TRAPPC8: variants seen among roughly 807,000 people sequenced by gnomAD.
TRAPPC8 encodes the protein trafficking protein particle complex subunit 8, also known as general sporulation gene 1 homolog.
Under a neutral mutation model 174.3 loss-of-function variants are expected in TRAPPC8, and 54 were observed. That is an observed-to-expected ratio of 0.31 (90% CI 0.25 to 0.39). The LOEUF is 0.39. Ranked by LOEUF, TRAPPC8 falls within the 10% of genes least tolerant of loss-of-function variation. The pLI, the probability that TRAPPC8 is intolerant of heterozygous loss-of-function variation, is 1.00. For synonymous variants in TRAPPC8, 630 were observed against 579.9 expected (o/e 1.09, Z -1.24); for missense variants, 1,531 against 1,699.1 (o/e 0.90, Z 1.74).
Position 31,864,710 on chromosome 18 carries a change from T to G in TRAPPC8, c.2662A>C (p.Thr888Pro). Reference sequence around the variant, plus strand: ...TTAACAGATGTTTTCTCTTCTTTTGTGTTGTTAAGTCGAGGACCTTGAATT... The same window carrying G: ...TTAACAGATGTTTTCTCTTCTTTTGGGTTGTTAAGTCGAGGACCTTGAATT... ...LEIQGPRLNN[T>P]KEEKTSVKYG... The change falls in exon 19 of 29, where the codon ACA becomes CCA. Residue 888 changes from threonine to proline, a missense_variant. Thr to Pro is a conservative substitution (Grantham distance 38). Coordinates refer to ENST00000283351, the MANE Select transcript of TRAPPC8 (RefSeq NM_014939.5). The G allele has an allele frequency of 6.2e-7, 1 of 1,613,262 alleles. No homozygotes were observed. The highest frequency in any genetic ancestry group is 8.5e-7 in the Non-Finnish European group (1 of 1,179,542).
At chr18:31,860,484 A>G (rs183130369) in intron 19 of TRAPPC8, among the ~76,000 whole-genome samples, 20 of 152,286 alleles carry the variant, frequency 1.3e-4, no homozygotes, top group Admixed American at 1.2e-3. Flanking sequence ...TCTTCTCTCA[A>G]TGAGCTACAG....
chr18:31,926,875 T>C (rs1286883732), intron 2 of TRAPPC8, among the ~76,000 whole-genome samples: 2 of 152,126 alleles, frequency 1.3e-5, no homozygotes, highest in Non-Finnish European at 2.9e-5. Flanking sequence ...GTGGAAAGGA[T>C]AGACAGTAAT....
intron 17 of TRAPPC8, 80 bp downstream of exon 17, chr18:31,867,322 A>C (rs1222936477): frequency 4.0e-6 from 4 of 1,004,382 alleles, no homozygotes; most frequent in Non-Finnish European, 6.0e-6. Context: ...TATAAAATAA[A>C]CTGAATAAAG....
chr18:31,845,797 A>G (rs2033369522), intron 26 of TRAPPC8, among the ~76,000 whole-genome samples: 1 of 152,132 alleles, frequency 6.6e-6, no homozygotes, highest in Non-Finnish European at 1.5e-5. Flanking sequence ...AAATAGTAAT[A>G]ATGGAGGTGG....
At chr18:31,941,111 C>T (rs2038317005) in intron 1 of TRAPPC8, among the ~76,000 whole-genome samples, 1 of 152,116 alleles carries the variant, frequency 6.6e-6, no homozygotes, top group East Asian at 1.9e-4. Flanking sequence ...AAAGAGTACA[C>T]ATATAAAAGT....
rs398032373 is a variant in TRAPPC8, at chr18:31,861,936, A to AG, written c.2745+2690dup. Among the ~76,000 whole-genome samples, 337 of 64,214 alleles carry AG rather than the reference A, an allele frequency of 5.2e-3. 1 individual carries two copies. The highest frequency in any genetic ancestry group is 6.7e-3 in the Admixed American group (27 of 4,026). 42.1% of individuals were successfully genotyped at this position (64,214 alleles called of 152,430 possible). On this transcript the variant is annotated intron_variant, in intron 19 of 28. Coordinates refer to ENST00000283351, the MANE Select transcript of TRAPPC8 (RefSeq NM_014939.5). Reference sequence around the variant, plus strand: ...CGATCCCGTCTCCAGAAAAAAAAAAAGGGGGGGGGGGGCGGTGGGGGAGGA... The same window carrying AG: ...CGATCCCGTCTCCAGAAAAAAAAAAAGGGGGGGGGGGGGCGGTGGGGGAGGA...
chr18:31,870,076 C>T (rs1186471466), intron 16 of TRAPPC8: 1 of 161,476 alleles, frequency 6.2e-6, no homozygotes. Flanking sequence ...TGGGCAACAG[C>T]GTGAGACTCT....
rs79712667 is a variant in TRAPPC8 at position 31,856,807 on chromosome 18, C to CTTTTTT, written c.3188+727_3188+732dup. Among the ~76,000 whole-genome samples the CTTTTTT allele has an allele frequency of 1.3e-4, 14 of 109,938 alleles. 1 individual carries two copies. Among genetic ancestry groups the CTTTTTT allele is most frequent in the East Asian group, 7.8e-4 (3 of 3,848 alleles). The allele number at this position is 109,938 out of a possible 152,430, so 72.1% of individuals were successfully genotyped here. A position where few individuals can be genotyped will look rare whatever the true frequency, so the allele number is the denominator to read the frequency against. ...TCCCTTGATATTCAAATGCTAAAAT[C>CTTTTTT]TTTTTTTTTTTTTTTTTTTTTTGAG... On this transcript the variant is annotated intron_variant, in intron 20 of 28. Coordinates refer to ENST00000283351, the MANE Select transcript of TRAPPC8 (RefSeq NM_014939.5).
At chr18:31,872,063 G>A (rs918066278) in intron 14 of TRAPPC8, among the ~76,000 whole-genome samples, 4 of 151,872 alleles carry the variant, frequency 2.6e-5, no homozygotes, top group South Asian at 2.1e-4. Context: ...TGGGCTTTTC[G>A]TGTAGCCATC....
At chr18:31,892,485 T>A (rs1250589505) in intron 11 of TRAPPC8, among the ~76,000 whole-genome samples, 1 of 152,192 alleles carries the variant, frequency 6.6e-6, no homozygotes, top group Non-Finnish European at 1.5e-5. Context: ...ATTTTGTTAC[T>A]ACATAAAATG....
At chr18:31,892,074 T>C (rs75115188) in intron 11 of TRAPPC8, among the ~76,000 whole-genome samples, 9,901 of 152,278 alleles carry the variant, frequency 0.065, 340 homozygotes, top group Middle Eastern at 0.11. Context: ...TTAGGGGAGC[T>C]TGGGAGCCTA....
At chr18:31,916,655 C>A (rs529336359) in intron 3 of TRAPPC8, among the ~76,000 whole-genome samples, 56 of 152,230 alleles carry the variant, frequency 3.7e-4, no homozygotes, top group African/African-American at 1.3e-3. Context: ...GCCTCAGCCT[C>A]CAGAGTAGCT....
At chr18:31,916,608 A>G (rs1453448824) in intron 3 of TRAPPC8, among the ~76,000 whole-genome samples, 162 bp from the exon 4 acceptor site, 1 of 152,228 alleles carries the variant, frequency 6.6e-6, no homozygotes, top group Admixed American at 6.5e-5. Flanking sequence ...TCTCGACTCA[A>G]CACAACCTCC....
At chr18:31,898,879 T>C (rs999618535) in intron 10 of TRAPPC8, among the ~76,000 whole-genome samples, 2 of 152,204 alleles carry the variant, frequency 1.3e-5, no homozygotes, top group African/African-American at 2.4e-5. Context: ...CTAATCCTTA[T>C]AGAATCAAAA....
intron 26 of TRAPPC8, among the ~76,000 whole-genome samples, chr18:31,842,515 T>G (rs186007463): frequency 1.5e-4 from 23 of 152,300 alleles, no homozygotes; most frequent in Non-Finnish European, 2.8e-4. Context: ...CAAATACTAA[T>G]GTGGGTAAGC....
intron 19 of TRAPPC8, among the ~76,000 whole-genome samples, 179 bp downstream of exon 19, chr18:31,864,448 A>C (rs1451785151): frequency 6.6e-6 from 1 of 152,108 alleles, no homozygotes; most frequent in African/African-American, 2.4e-5. Flanking sequence ...GCTATGACTT[A>C]ATGGCAATTT....
intron 2 of TRAPPC8, among the ~76,000 whole-genome samples, chr18:31,930,050 T>C (rs765215424): frequency 1.3e-5 from 2 of 151,700 alleles, no homozygotes; most frequent in Non-Finnish European, 2.9e-5. Context: ...TTTTTAACTA[T>C]ACAAGAGCAA....
intron 1 of TRAPPC8, among the ~76,000 whole-genome samples, chr18:31,940,233 T>C (rs2038272175): frequency 6.6e-6 from 1 of 152,168 alleles, no homozygotes; most frequent in African/African-American, 2.4e-5. Flanking sequence ...TCCCAGCACT[T>C]TGGGAGGCGG....
intron 7 of TRAPPC8, 94 bp downstream of exon 7, chr18:31,908,660 G>T: frequency 7.5e-7 from 1 of 1,329,206 alleles, no homozygotes; most frequent in Non-Finnish European, 9.9e-7. Context: ...ATCTTAAAAC[G>T]AAAATAAAAC....
Sources: allele counts gnomAD v4.1 joint callset (sites outside exome capture counted in the v4.1 genomes callset), GRCh38; gene constraint gnomAD v4.1.1; transcripts MANE v1.5; gene names NCBI Gene and HGNC (gene_info 2026-07-23, HGNC 2026-07-21).